CHST12: variants seen among roughly 807,000 people sequenced by gnomAD.
The protein encoded by CHST12 is carbohydrate sulfotransferase 12, also known as carbohydrate (chondroitin 4) sulfotransferase 12.
CHST12 carries 23 observed loss-of-function variants against 27.9 expected under a neutral mutation model. The observed-to-expected ratio is 0.82, with a 90% CI of 0.59 to 1.17. The LOEUF is 1.17. CHST12 is among the 50% of genes most tolerant of loss of function. The pLI is 0.00. For missense variants in CHST12, 682 were observed against 603.0 expected, an observed-to-expected ratio of 1.13 and a Z score of -1.37; for synonymous variants, 322 against 273.0, an observed-to-expected ratio of 1.18 and a Z score of -1.77.
intron 1 of CHST12, among the ~76,000 whole-genome samples, chr7:2,421,836 G>A (rs537618981): frequency 6.6e-6 from 1 of 152,086 alleles, no homozygotes; most frequent in Non-Finnish European, 1.5e-5. Flanking sequence ...AAAGTGCTGG[G>A]ATTACAGGCA....
At position 2,429,917 on chromosome 7, in the gene CHST12, G is replaced by A. The variant is rs79788163; in HGVS notation, c.-77-2646G>A. On this transcript the variant is annotated intron_variant, in intron 1 of 1. Transcript: ENST00000618655. ...CCTGCCTCAGCCTCCAGAGTAGCTA[G>A]GACTACAGGTGCATGCCACCATGCA... 0.012 allele frequency among the ~76,000 whole-genome samples: 1,825 copies of A among 152,166 alleles called. 144 individuals carry two copies. The East Asian group carries it at 0.21, about 18-fold the overall frequency.
At chr7:2,427,111 G>A (rs971761467) in intron 1 of CHST12, among the ~76,000 whole-genome samples, 1 of 151,820 alleles carries the variant, frequency 6.6e-6, no homozygotes, top group Non-Finnish European at 1.5e-5. Flanking sequence ...CTTGAACCCG[G>A]GAGGCGGAGG....
chr7:2,429,685 C>T (rs949709753), intron 1 of CHST12, among the ~76,000 whole-genome samples: 2 of 152,122 alleles, frequency 1.3e-5, no homozygotes, highest in African/African-American at 2.4e-5. Flanking sequence ...AGTTCCTTAT[C>T]CTTTCAATGG....
intron 1 of CHST12, among the ~76,000 whole-genome samples, chr7:2,406,493 AGTTGAGTACGGGGTGGGGGCGCG>A (rs1781529024): frequency 3.3e-4 from 2 of 6,014 alleles, no homozygotes; most frequent in African/African-American, 1.2e-3. Context: ...GTGGGGGCAC[AGTTGAGTACGGGGTGGGGGCGCG>A]GTTGAGTATG....
chr7:2,428,502 G>A (rs1019266079), intron 1 of CHST12, among the ~76,000 whole-genome samples: 4 of 152,108 alleles, frequency 2.6e-5, no homozygotes, highest in East Asian at 1.9e-4. Flanking sequence ...AGCTGGGTCC[G>A]GGGGGTGACC....
rs1171283370 is a variant in CHST12, at chr7:2,434,823, C to G, written c.*939C>G. On this transcript the variant is annotated 3_prime_UTR_variant, in exon 2 of 2. Transcript: ENST00000618655. ...GCTATTAAGGCTGGGCACGGTGGCTCATGCCTGCAATCCTGGCACTTTGGG... is the reference window on the plus strand; with the variant it reads ...GCTATTAAGGCTGGGCACGGTGGCTGATGCCTGCAATCCTGGCACTTTGGG... The G allele has an allele frequency of 1.3e-5, 2 of 152,052 alleles. No homozygotes were observed. The highest frequency in any genetic ancestry group is 2.4e-5 in the African/African-American group (1 of 41,350). The allele number at this position is 152,052 out of a possible 1,614,324, so 9.4% of individuals were successfully genotyped here. A position where few individuals can be genotyped will look rare whatever the true frequency, so the allele number is the denominator to read the frequency against.
Position 2,433,194 on chromosome 7 carries a change from G to C in CHST12, c.555G>C (p.Leu185=), listed in dbSNP as rs1782345571. The change falls in exon 2 of 2, where the codon CTG becomes CTC. Residue 185 remains leucine (L), a synonymous_variant. Coordinates refer to ENST00000618655, the MANE Select transcript of CHST12 (RefSeq NM_018641.5). The surrounding 1 kb of genome is among the most constrained non-coding windows in gnomAD (Gnocchi z 6.1). ...CTNWKRVMIV[L]SGSLLHRGAP... is the part of the protein sequence containing the mutation. Reference sequence around the variant, plus strand: ...ACTGGAAGCGCGTGATGATCGTGCTGAGCGGAAGCCTGCTGCACCGCGGTG... The same window carrying C: ...ACTGGAAGCGCGTGATGATCGTGCTCAGCGGAAGCCTGCTGCACCGCGGTG... 3 of 1,612,946 alleles carry C rather than the reference G, an allele frequency of 1.9e-6. No individual in the cohort carries two copies. The highest frequency in any genetic ancestry group is 2.5e-6 in the Non-Finnish European group (3 of 1,179,618).
chr7:2,415,388 T>G (rs1044097498), intron 1 of CHST12, among the ~76,000 whole-genome samples: 1 of 151,902 alleles, frequency 6.6e-6, no homozygotes, highest in African/African-American at 2.4e-5. Flanking sequence ...AAGTTTTATG[T>G]TTACACTATA....
intron 1 of CHST12, among the ~76,000 whole-genome samples, chr7:2,408,573 A>T (rs1781585821): frequency 6.6e-6 from 1 of 152,196 alleles, no homozygotes; most frequent in South Asian, 2.1e-4. Flanking sequence ...GGCTTTTTCA[A>T]AGCAGCACTG....
chr7:2,418,515 G>A (rs185069638), intron 1 of CHST12, among the ~76,000 whole-genome samples: 194 of 152,314 alleles, frequency 1.3e-3, no homozygotes, highest in Non-Finnish European at 2.3e-3. Flanking sequence ...CAAATCACAG[G>A]GGGCTTTTTG....
At chr7:2,413,700 T>G (rs905872979) in intron 1 of CHST12, among the ~76,000 whole-genome samples, 5 of 151,720 alleles carry the variant, frequency 3.3e-5, no homozygotes, top group East Asian at 1.9e-4. Flanking sequence ...CTGATGTACA[T>G]TGGGGTTGTT....
rs1309330552 is a variant in CHST12 at position 2,440,790 on chromosome 7, A to G, written c.*6906A>G. 2 of 152,224 alleles carry G rather than the reference A, an allele frequency of 1.3e-5. No individual in the cohort carries two copies. The highest frequency in any genetic ancestry group is 1.3e-4 in the Admixed American group (2 of 15,284). The allele number at this position is 152,224 out of a possible 1,614,324, so 9.4% of individuals were successfully genotyped here. ...TTGAACAAAGATCTGGAGGTTGCAC[A>G]ATCCTGTGTCATTCTGGATTTATCT... On this transcript the variant is annotated 3_prime_UTR_variant, in exon 2 of 2. Coordinates refer to ENST00000618655, the MANE Select transcript of CHST12 (RefSeq NM_018641.5).
intron 1 of CHST12, among the ~76,000 whole-genome samples, chr7:2,418,299 C>T (rs1294941304): frequency 6.6e-6 from 1 of 152,228 alleles, no homozygotes; most frequent in African/African-American, 2.4e-5. Flanking sequence ...TTAAACCTAA[C>T]CTAATAATTT....
Position 2,432,682 on chromosome 7 carries a change from T to C in CHST12, c.43T>C (p.Ser15Pro). Residue 15 changes from serine to proline, a missense_variant, in exon 2 of 2, where the codon TCG becomes CCG. Physicochemically the swap from Ser to Pro is moderately conservative, Grantham distance 74. Coordinates refer to ENST00000618655, the MANE Select transcript of CHST12 (RefSeq NM_018641.5). ...RLFRLWLVLG[S>P]VFMILLIIVY... ...GTTCCGGCTGTGGCTGGTGCTGGGG[T>C]CGGTGTTCATGATCCTGCTGATCAT... The C allele has an allele frequency of 6.2e-7, 1 of 1,611,100 alleles. No homozygotes were observed. Among genetic ancestry groups the C allele is most frequent in the Non-Finnish European group, 8.5e-7 (1 of 1,178,702 alleles).
rs1480172732 is a variant in CHST12 at position 2,419,536 on chromosome 7, G to A, written c.-77-13027G>A. Among the ~76,000 whole-genome samples the A allele has an allele frequency of 5.3e-5, 8 of 149,990 alleles. No individual in the cohort carries two copies. In the East Asian group the frequency reaches 1.4e-3, roughly 26 times the overall value. ...AGCCTGGCCAACATGGTGAAGCCCC[G>A]TCTCTACTAAAAATACAAAAATTAG... On this transcript the variant is annotated intron_variant, in intron 1 of 1. Coordinates refer to ENST00000618655, the MANE Select transcript of CHST12 (RefSeq NM_018641.5).
chr7:2,424,473 G>A (rs1782054482), intron 1 of CHST12, among the ~76,000 whole-genome samples: 1 of 152,142 alleles, frequency 6.6e-6, no homozygotes, highest in Non-Finnish European at 1.5e-5. Flanking sequence ...GTGGCTTTTA[G>A]AGTCTAGTCC....
At chr7:2,423,283 A>T (rs1782023709) in intron 1 of CHST12, among the ~76,000 whole-genome samples, 1 of 151,996 alleles carries the variant, frequency 6.6e-6, no homozygotes. Context: ...AAAAAAAATA[A>T]AAAAAAGTAG....
chr7:2,432,628 G>A lies in CHST12; in HGVS notation c.-12G>A, dbSNP rs1352067671. 6.9e-6 allele frequency: 11 copies of A among 1,598,970 alleles called. No individual in the cohort carries two copies. The highest frequency in any genetic ancestry group is 9.4e-6 in the Non-Finnish European group (11 of 1,169,414). Reference sequence around the variant, plus strand: ...GAGAGGCCCGGAGAGGGCCCAGCCCGCCCGGGGCAGGATGACCAAGGCCCG... The same window carrying A: ...GAGAGGCCCGGAGAGGGCCCAGCCCACCCGGGGCAGGATGACCAAGGCCCG... On this transcript the variant is annotated 5_prime_UTR_variant, in exon 2 of 2. Transcript: ENST00000618655.
intron 1 of CHST12, among the ~76,000 whole-genome samples, chr7:2,417,220 C>G (rs1255707934): frequency 6.6e-6 from 1 of 150,920 alleles, no homozygotes. Flanking sequence ...GATTCTCTTA[C>G]TCTACCTTTT....
Sources: gnomAD v4.1 joint callset for allele counts (sites outside exome capture counted in the v4.1 genomes callset) on GRCh38, gnomAD v4.1.1 for gene constraint, Gnocchi (gnomAD v3.1) non-coding constraint, MANE v1.5 for transcripts, NCBI Gene and HGNC (gene_info 2026-07-23, HGNC 2026-07-21) for gene names.